The following DCLK1 variants were observed in gnomAD, a reference collection of about 807,000 sequenced individuals.
The protein encoded by DCLK1 is doublecortin like kinase 1.
DCLK1 carries 16 observed loss-of-function variants against 86.2 expected under a neutral mutation model. That is an observed-to-expected ratio of 0.19 (90% CI 0.13 to 0.28). The LOEUF (loss-of-function observed/expected upper bound fraction) is 0.28. Among genes scored for constraint, DCLK1 ranks in the 10% least tolerant of loss-of-function variants. DCLK1 has a pLI of 1.00. For missense variants in DCLK1, 590 were observed against 940.2 expected (o/e 0.63, Z 4.87); for synonymous variants, 369 against 370.5 (o/e 1.00, Z 0.05).
At chr13:35,876,430 G>A (rs1211734719) in intron 4 of DCLK1, among the ~76,000 whole-genome samples, 1 of 152,094 alleles carries the variant, frequency 6.6e-6, no homozygotes, top group Non-Finnish European at 1.5e-5. Context: ...ATATTGCAGT[G>A]CCAAGCCGTA....
intron 3 of DCLK1, among the ~76,000 whole-genome samples, chr13:36,008,810 C>G (rs1881145982): frequency 6.6e-6 from 1 of 151,392 alleles, no homozygotes; most frequent in Middle Eastern, 3.4e-3. Flanking sequence ...CTGACTTCCA[C>G]AATGGTTGAA....
At chr13:35,836,444 G>A (rs1209650355) in intron 7 of DCLK1, among the ~76,000 whole-genome samples, 14 of 152,284 alleles carry the variant, frequency 9.2e-5, no homozygotes, top group African/African-American at 2.9e-4. Flanking sequence ...TTTACTTCAC[G>A]CCAATTTGAT....
intron 4 of DCLK1, among the ~76,000 whole-genome samples, chr13:35,884,763 A>T (rs1486100288): frequency 6.6e-6 from 1 of 152,144 alleles, no homozygotes; most frequent in Admixed American, 6.5e-5. Flanking sequence ...AGAAAGTGGA[A>T]ATGGTTGGAG....
At chr13:35,781,072 A>C (rs2086516476) in intron 16 of DCLK1, among the ~76,000 whole-genome samples, 1 of 152,220 alleles carries the variant, frequency 6.6e-6, no homozygotes, top group Non-Finnish European at 1.5e-5. Flanking sequence ...AGACATATGA[A>C]CTACCCATCT....
chr13:35,860,865 T>C lies in DCLK1; in HGVS notation c.941-6272A>G, dbSNP rs1440576554. ...AGTGGCAGAGGTCTGCAGGGCCAAA[T>C]TGGGTGAGTGGGCTTTAGACAGCTG... On this transcript the variant is annotated intron_variant, in intron 5 of 16. Transcript: ENST00000360631. Among the ~76,000 whole-genome samples the C allele has an allele frequency of 2.0e-5, 3 of 152,030 alleles. No homozygotes were observed. In the East Asian group the frequency reaches 5.8e-4, roughly 29 times the overall value.
At chr13:35,942,498 T>C (rs951123081) in intron 4 of DCLK1, among the ~76,000 whole-genome samples, 3 of 152,178 alleles carry the variant, frequency 2.0e-5, no homozygotes, top group African/African-American at 7.2e-5. Context: ...AGGACACTTC[T>C]AACTATGCTA....
At chr13:35,805,855 T>C in intron 14 of DCLK1, 76 bp from the exon 15 acceptor site, 2 of 1,324,062 alleles carry the variant, frequency 1.5e-6, no homozygotes, top group Non-Finnish European at 2.1e-6. Context: ...GCAAGAGTTC[T>C]CTTTTAGTTT....
At chr13:35,932,567 G>A (rs113920072) in intron 4 of DCLK1, among the ~76,000 whole-genome samples, 1 of 152,188 alleles carries the variant, frequency 6.6e-6, no homozygotes, top group South Asian at 2.1e-4. Context: ...GCAAGGAGGA[G>A]CAAGTAACGT....
At chr13:35,958,523 G>C (rs1878274994) in intron 3 of DCLK1, among the ~76,000 whole-genome samples, 1 of 148,966 alleles carries the variant, frequency 6.7e-6, no homozygotes, top group East Asian at 2.0e-4. Context: ...ACCACCAACA[G>C]CAGTATAACT....
rs2086348959 is a variant in DCLK1 at position 35,772,406 on chromosome 13, T to C, written c.*2129A>G. The C allele has an allele frequency of 6.6e-6, 1 of 152,204 alleles. No homozygotes were observed. Among genetic ancestry groups the C allele is most frequent in the South Asian group, 2.1e-4 (1 of 4,822 alleles). 9.4% of individuals were successfully genotyped at this position (152,204 alleles called of 1,614,324 possible). ...TGCAGGTAGGTCTCTGCCCATTGCA[T>C]TCTTCACACTTTTAGAGTTGAGGCC... On this transcript the variant is annotated 3_prime_UTR_variant, in exon 17 of 17. Coordinates refer to ENST00000360631, the MANE Select transcript of DCLK1 (RefSeq NM_001330071.2).
At chr13:35,849,975 T>TA in intron 6 of DCLK1, 1 of 962,548 alleles carries the variant, frequency 1.0e-6, no homozygotes, top group Non-Finnish European at 1.2e-6. Flanking sequence ...AAGTTCTTCA[T>TA]ATTGGCATAT....
At chr13:36,025,482 G>A (rs1294283366) in intron 3 of DCLK1, among the ~76,000 whole-genome samples, 1 of 152,096 alleles carries the variant, frequency 6.6e-6, no homozygotes, top group Non-Finnish European at 1.5e-5. Flanking sequence ...TAACCTTAAT[G>A]TTCATCATTG....
At chr13:36,033,791 G>T (rs2153153760) in intron 3 of DCLK1, among the ~76,000 whole-genome samples, 1 of 152,282 alleles carries the variant, frequency 6.6e-6, no homozygotes, top group East Asian at 1.9e-4. Context: ...CAGGCGTGGT[G>T]ACGCATGCCT....
chr13:36,068,700 C>G (rs961809185), intron 3 of DCLK1, among the ~76,000 whole-genome samples: 1 of 152,012 alleles, frequency 6.6e-6, no homozygotes, highest in African/African-American at 2.4e-5. Context: ...ACACACAACT[C>G]AAATTAAATG....
chr13:35,908,109 A>G (rs1485304288), intron 4 of DCLK1, among the ~76,000 whole-genome samples: 3 of 151,802 alleles, frequency 2.0e-5, no homozygotes, highest in Non-Finnish European at 4.4e-5. Context: ...AGAAGGAACA[A>G]TGGTTGGGGT....
intron 3 of DCLK1, among the ~76,000 whole-genome samples, chr13:35,991,883 G>C (rs546394415): frequency 6.6e-6 from 1 of 152,146 alleles, no homozygotes; most frequent in East Asian, 1.9e-4. Flanking sequence ...CATCTATTTG[G>C]GGGTAATGCT....
intron 11 of DCLK1, among the ~76,000 whole-genome samples, chr13:35,811,600 A>G (rs571036825): frequency 1.4e-3 from 217 of 152,280 alleles, no homozygotes; most frequent in African/African-American, 5.0e-3. Context: ...TTGGGAGGCC[A>G]AGGCAGGTGG....
intron 5 of DCLK1, chr13:35,855,904 A>G: frequency 1.9e-6 from 2 of 1,037,996 alleles, no homozygotes; most frequent in Non-Finnish European, 2.3e-6. Flanking sequence ...TGAAAATCGA[A>G]ATGACAATAA....
intron 3 of DCLK1, among the ~76,000 whole-genome samples, chr13:35,988,566 TA>T (rs2050328089): frequency 6.6e-6 from 1 of 152,220 alleles, no homozygotes; most frequent in South Asian, 2.1e-4. Flanking sequence ...TCTATTTTTC[TA>T]AAAGTCCCAA....
Sources: allele counts gnomAD v4.1 joint callset (sites outside exome capture counted in the v4.1 genomes callset), GRCh38; gene constraint gnomAD v4.1.1; transcripts MANE v1.5; gene names NCBI Gene and HGNC (gene_info 2026-07-23, HGNC 2026-07-21).